Variants in ZPBP observed in about 807,000 individuals in gnomAD.
The protein encoded by ZPBP is zona pellucida binding protein, also known as zona pellucida-binding protein 1.
Under a neutral mutation model 44.8 loss-of-function variants are expected in ZPBP, and 26 were observed. The observed-to-expected ratio is 0.58, with a 90% CI of 0.43 to 0.81. The LOEUF (loss-of-function observed/expected upper bound fraction) is 0.81, where lower values mean the gene tolerates loss of function less well. ZPBP is among the 30% of genes least tolerant of loss of function. The pLI, the probability that ZPBP is intolerant of heterozygous loss-of-function variation, is 0.00. For missense variants in ZPBP, 409 were observed against 434.0 expected, an observed-to-expected ratio of 0.94 and a Z score of 0.51; for synonymous variants, 174 against 153.2, an observed-to-expected ratio of 1.14 and a Z score of -1.00.
intron 1 of ZPBP, among the ~76,000 whole-genome samples, chr7:49,923,243 T>G (rs925132773): frequency 1.3e-5 from 2 of 151,628 alleles, no homozygotes; most frequent in African/African-American, 2.4e-5. Flanking sequence ...AACAAAGAAT[T>G]CCCAAGTAGC....
chr7:49,945,981 T>G (rs937699724), intron 7 of ZPBP, among the ~76,000 whole-genome samples: 1 of 152,068 alleles, frequency 6.6e-6, no homozygotes, highest in Non-Finnish European at 1.5e-5. Context: ...ATCCGTTGTG[T>G]TTTTTGATTT....
At chr7:50,076,188 A>C (rs867727789) in intron 3 of ZPBP, among the ~76,000 whole-genome samples, 5 of 152,060 alleles carry the variant, frequency 3.3e-5, no homozygotes, top group African/African-American at 1.2e-4. Context: ...TTCAAAATTG[A>C]TGCTGAAAAA....
At chr7:49,918,924 G>T (rs1407106492) in intron 1 of ZPBP, 1 of 152,112 alleles carries the variant, frequency 6.6e-6, no homozygotes, top group Admixed American at 6.6e-5. Flanking sequence ...ACCTGGGCAT[G>T]GTGGCACATG....
intron 2 of ZPBP, among the ~76,000 whole-genome samples, chr7:49,893,115 T>C (rs1369986209): frequency 6.6e-6 from 1 of 152,250 alleles, no homozygotes; most frequent in African/African-American, 2.4e-5. Context: ...CCTGAGAATG[T>C]TGAGCATGAG....
intron 7 of ZPBP, among the ~76,000 whole-genome samples, chr7:49,980,227 A>G (rs1393919868): frequency 1.6e-5 from 2 of 125,750 alleles, no homozygotes; most frequent in East Asian, 2.1e-4. Flanking sequence ...AAAATTATAT[A>G]ATATAAATAT....
intron 2 of ZPBP, among the ~76,000 whole-genome samples, chr7:49,862,080 C>G (rs562965374): frequency 6.6e-6 from 1 of 152,264 alleles, no homozygotes; most frequent in East Asian, 1.9e-4. Context: ...GTACTGCCAT[C>G]CTGACAATAT....
At chr7:50,070,080 C>T (rs1801757272) in intron 3 of ZPBP, among the ~76,000 whole-genome samples, 1 of 152,086 alleles carries the variant, frequency 6.6e-6, no homozygotes, top group South Asian at 2.1e-4. Context: ...CCCACATTCA[C>T]ACACATACAC....
the ZPBP span, among the ~76,000 whole-genome samples, chr7:49,841,925 G>A: frequency 1.3e-5 from 2 of 151,918 alleles, no homozygotes; most frequent in African/African-American, 4.8e-5. Context: ...GCAGTGCAAT[G>A]GCGTGATCTC....
intron 1 of ZPBP, chr7:49,918,418 A>G (rs1793836367): frequency 6.6e-6 from 1 of 152,210 alleles, no homozygotes; most frequent in Non-Finnish European, 1.5e-5. Context: ...CTAATTCTAG[A>G]ATATCAATCT....
At chr7:49,902,290 A>T (rs2128736583) in intron 1 of ZPBP, among the ~76,000 whole-genome samples, 1 of 152,180 alleles carries the variant, frequency 6.6e-6, no homozygotes, top group African/African-American at 2.4e-5. Flanking sequence ...GACATAAAAA[A>T]AACTGTTGTC....
intron 1 of ZPBP, among the ~76,000 whole-genome samples, chr7:49,922,929 C>A (rs1238338831): frequency 1.3e-5 from 2 of 152,042 alleles, no homozygotes; most frequent in Admixed American, 1.3e-4. Flanking sequence ...GGATTAGAAA[C>A]CTAAACTGAC....
intron 7 of ZPBP, among the ~76,000 whole-genome samples, chr7:49,954,438 G>A (rs553305219): frequency 6.6e-4 from 101 of 152,186 alleles, no homozygotes; most frequent in African/African-American, 2.3e-3. Context: ...GAAAGCGCAC[G>A]TAACTTTGAC....
intron 1 of ZPBP, chr7:49,915,643 T>C (rs1042370478): frequency 1.1e-4 from 16 of 152,188 alleles, no homozygotes; most frequent in African/African-American, 3.4e-4. Context: ...TGTTGGAAAC[T>C]AAATCCATTA....
chr7:49,900,184 T>A (rs7794641), intron 2 of ZPBP, among the ~76,000 whole-genome samples: 21 of 151,550 alleles, frequency 1.4e-4, no homozygotes, highest in African/African-American at 4.3e-4. Flanking sequence ...AAAGCAGGAC[T>A]TTAGGGACAT....
At chr7:49,884,595 T>G (rs1791815838) in intron 2 of ZPBP, among the ~76,000 whole-genome samples, 1 of 152,112 alleles carries the variant, frequency 6.6e-6, no homozygotes, top group African/African-American at 2.4e-5. Flanking sequence ...AGACAGTGGG[T>G]CAATTTCTAT....
chr7:49,942,277 C>T, intron 7 of ZPBP: 1 of 217,892 alleles, frequency 4.6e-6, no homozygotes, highest in Non-Finnish European at 9.1e-6. Flanking sequence ...TGTGTTTCTG[C>T]TTCAGTCCCT....
intron 2 of ZPBP, among the ~76,000 whole-genome samples, chr7:50,087,836 T>A (rs2128856533): frequency 6.6e-6 from 1 of 152,116 alleles, no homozygotes; most frequent in East Asian, 1.9e-4. Flanking sequence ...AGACTTAATA[T>A]TGTTAAGGCG....
intron 7 of ZPBP, among the ~76,000 whole-genome samples, chr7:49,958,855 C>T (rs1795723271): frequency 6.6e-6 from 1 of 152,068 alleles, no homozygotes. Flanking sequence ...AAAACAATGT[C>T]CAACTCATTT....
chr7:50,071,079 T>G (rs531107321), intron 3 of ZPBP, among the ~76,000 whole-genome samples: 70 of 152,274 alleles, frequency 4.6e-4, no homozygotes, highest in African/African-American at 1.5e-3. Context: ...TGTTCCAATA[T>G]CACTAAAGTA....
Sources: allele counts gnomAD v4.1 joint callset (sites outside exome capture counted in the v4.1 genomes callset), GRCh38; gene constraint gnomAD v4.1.1; transcripts MANE v1.5; gene names NCBI Gene and HGNC (gene_info 2026-07-23, HGNC 2026-07-21).